Variants in HEATR4 observed in about 807,000 individuals in gnomAD.
HEATR4 encodes the protein HEAT repeat containing 4.
A neutral mutation model predicts 108.8 loss-of-function variants in HEATR4; 95 were observed. That is an observed-to-expected ratio of 0.87 (90% CI 0.74 to 1.04). HEATR4 has a LOEUF of 1.04. HEATR4 is among the 50% of genes least tolerant of loss of function. The probability of loss-of-function intolerance (pLI) is 0.00; values close to 1 mark genes in which losing one functional copy is unlikely to be tolerated. For missense variants in HEATR4, 1,152 were observed against 1,253.8 expected (o/e 0.92, Z 1.23); for synonymous variants, 443 against 459.4 (o/e 0.96, Z 0.46).
At chr14:73,579,265 TAAAAAAAAAAAA>T in the HEATR4 span, among the ~76,000 whole-genome samples, 14 of 70,836 alleles carry the variant, frequency 2.0e-4, no homozygotes, top group Non-Finnish European at 2.4e-4. Context: ...TCAAAAAAAT[TAAAAAAAAAAAA>T]AAAAAAAAAA....
intron 1 of HEATR4, chr14:73,542,977 G>A (rs1889142449): frequency 8.2e-7 from 1 of 1,219,010 alleles, no homozygotes; most frequent in Non-Finnish European, 1.1e-6. Flanking sequence ...CTAACTTCCA[G>A]GGTGGGCACA....
At chr14:73,524,310 A>AAAAAAAAAAATATATATATATATAT in intron 2 of HEATR4, among the ~76,000 whole-genome samples, 3 of 54,786 alleles carry the variant, frequency 5.5e-5, no homozygotes, top group African/African-American at 8.8e-5. Context: ...AAAAAAAAAA[A>AAAAAAAAAAATATATATATATATAT]ATATATATAT....
At chr14:73,528,718 T>C (rs1235825218) in intron 2 of HEATR4, among the ~76,000 whole-genome samples, 1 of 152,168 alleles carries the variant, frequency 6.6e-6, no homozygotes, top group Non-Finnish European at 1.5e-5. Context: ...ATCAGAAACA[T>C]GTATGAAAGT....
chr14:73,500,279 CTTTT>C (rs751356844), intron 12 of HEATR4, among the ~76,000 whole-genome samples: 3 of 139,924 alleles, frequency 2.1e-5, no homozygotes, highest in African/African-American at 2.6e-5. Context: ...ATGCACGGAC[CTTTT>C]TTTTTTTTTT....
At chr14:73,570,976 C>CTTT in the HEATR4 span, among the ~76,000 whole-genome samples, 4 of 74,350 alleles carry the variant, frequency 5.4e-5, no homozygotes, top group Admixed American at 1.3e-4. Context: ...TAGGAAGCCA[C>CTTT]TTTTTTTTTT....
intron 11 of HEATR4, among the ~76,000 whole-genome samples, chr14:73,501,161 C>T (rs996195277): frequency 2.0e-5 from 3 of 152,078 alleles, no homozygotes; most frequent in Admixed American, 2.0e-4. Context: ...CTCTGTTGCC[C>T]AGGCTGGAGT....
rs762459400 is a variant in HEATR4 at position 73,509,381 on chromosome 14, TTGC to T, written c.1648_1650del (p.Ala550del). 6.2e-7 allele frequency: 1 copy of T among 1,614,094 alleles called. No individual in the cohort carries two copies. Among genetic ancestry groups the T allele is most frequent in the Non-Finnish European group, 8.5e-7 (1 of 1,179,998 alleles). On this transcript the variant is annotated inframe_deletion, in exon 8 of 18. Transcript: ENST00000553558. ...TGTGACTGTATGGCATATTGGCATATTGCTGCTGCCATCCGCACATGGGCATTC... is the reference window on the plus strand; with the variant it reads ...TGTGACTGTATGGCATATTGGCATATTGCTGCCATCCGCACATGGGCATTC...
chr14:73,594,533 G>T, the HEATR4 span, among the ~76,000 whole-genome samples: 1 of 152,156 alleles, frequency 6.6e-6, no homozygotes, highest in Non-Finnish European at 1.5e-5. Context: ...AGATGTGTTT[G>T]CCATGTGTTC....
chr14:73,567,350 G>A, the HEATR4 span, among the ~76,000 whole-genome samples: 10 of 152,110 alleles, frequency 6.6e-5, 1 homozygote, highest in Non-Finnish European at 1.2e-4. Flanking sequence ...GGTGAAGACC[G>A]CTGGGCTTCT....
chr14:73,616,810 T>C, the HEATR4 span: 4 of 519,120 alleles, frequency 7.7e-6, no homozygotes, highest in African/African-American at 1.9e-5. Context: ...CTGAGTAGTA[T>C]ACATTGTACC....
In HEATR4 at chr14:73,502,918, C is replaced by T. The variant is rs1886570504; in HGVS notation, c.2082G>A (p.Gly694=). The T allele has an allele frequency of 1.2e-6, 2 of 1,613,594 alleles. No individual in the cohort carries two copies. The highest frequency in any genetic ancestry group is 1.3e-5 in the African/African-American group (1 of 74,918). ...AAQALGQMSL[G]KEVHDIIRVK... ...ACCTGATTATGTCGTGCACCTCTTT[C>T]CCGAGGCTCATTTGCCCAAGCGCCT... Residue 694 remains glycine, a synonymous_variant, in exon 11 of 18, where the codon GGG becomes GGA. Transcript: ENST00000553558.
the HEATR4 span, among the ~76,000 whole-genome samples, chr14:73,579,252 G>A: frequency 5.8e-5 from 5 of 86,184 alleles, no homozygotes; most frequent in East Asian, 8.0e-4. Flanking sequence ...ACGAAATTCC[G>A]TCTCAAAAAA....
upstream of HEATR4, among the ~76,000 whole-genome samples, chr14:73,561,078 G>A (rs917991924): frequency 2.6e-5 from 4 of 152,016 alleles, no homozygotes; most frequent in Non-Finnish European, 5.9e-5. Context: ...AAAAAGGAAT[G>A]AAATGGGCTG....
the HEATR4 span, among the ~76,000 whole-genome samples, chr14:73,610,218 C>T: frequency 6.6e-6 from 1 of 151,986 alleles, no homozygotes; most frequent in South Asian, 2.1e-4. Context: ...ATAGTAGTCT[C>T]CTGGGCCTAA....
rs1020774924 is a variant in HEATR4, at chr14:73,492,932, G to T, written c.2844+134C>A. 1.9e-6 allele frequency: 3 copies of T among 1,612,210 alleles called. No individual in the cohort carries two copies. The highest frequency in any genetic ancestry group is 2.5e-6 in the Non-Finnish European group (3 of 1,179,080). On this transcript the variant is annotated intron_variant, in intron 17 of 17. Transcript: ENST00000553558. This position sits in a 1 kb window ranked among gnomAD's most constrained non-coding sequence, Gnocchi z 4.9. ...GCTGCTGCTCACTAAGATGCCTCTA[G>T]CCCTAAATTAGTTTCTTGTTGATTG...
chr14:73,542,381 A>AAT lies in HEATR4; in HGVS notation c.-151-12139_-151-12138dup, dbSNP rs1889115782. Among the ~76,000 whole-genome samples, 2 of 107,928 alleles carry AAT rather than the reference A, an allele frequency of 1.9e-5. 1 individual carries two copies. Among genetic ancestry groups the AAT allele is most frequent in the Non-Finnish European group, 3.9e-5 (2 of 51,260 alleles). The allele number at this position is 107,928 out of a possible 152,430, so 70.8% of individuals were successfully genotyped here. On this transcript the variant is annotated intron_variant, in intron 1 of 17. Transcript: ENST00000553558. ...TTGTAGTTGGTATTATGCAATTTTA[A>AAT]ATTCCAGTATGTTTTTTCTTTCTTT...
chr14:73,503,534 C>A (rs1052810275), intron 10 of HEATR4, among the ~76,000 whole-genome samples: 4 of 152,156 alleles, frequency 2.6e-5, no homozygotes, highest in African/African-American at 9.7e-5. Flanking sequence ...GTTCTTCCTG[C>A]TAGAAGTATC....
At chr14:73,558,373 T>C (rs1012897438) in intron 1 of HEATR4, among the ~76,000 whole-genome samples, 2 of 138,768 alleles carry the variant, frequency 1.4e-5, no homozygotes, top group African/African-American at 2.6e-5. Context: ...TTGATTTGTT[T>C]TTTTTTTTTT....
chr14:73,522,668 C>A lies in HEATR4; in HGVS notation c.485G>T (p.Arg162Leu), dbSNP rs142623987. Residue 162 changes from arginine to leucine, a missense_variant, in exon 3 of 18, where the codon CGC becomes CTC. By Grantham distance (102) the Arg-to-Leu change is moderately radical. Coordinates refer to ENST00000553558, the MANE Select transcript of HEATR4 (RefSeq NM_001220484.1). ...KPASTVREAP[R>L]PLIHHPCMHP... ...CATGCAGGGATGATGGATGAGAGGG[C>A]GGGGTGCTTCCCGGACGGTGCTGGC... 6.2e-7 allele frequency: 1 copy of A among 1,614,170 alleles called. No individual in the cohort carries two copies. The highest frequency in any genetic ancestry group is 2.2e-5 in the East Asian group (1 of 44,882).
Sources: gnomAD v4.1 joint callset for allele counts (sites outside exome capture counted in the v4.1 genomes callset) on GRCh38, gnomAD v4.1.1 for gene constraint, Gnocchi (gnomAD v3.1) non-coding constraint, MANE v1.5 for transcripts, NCBI Gene and HGNC (gene_info 2026-07-23, HGNC 2026-07-21) for gene names.